Variants in INSC observed in about 807,000 individuals in gnomAD.
The protein encoded by INSC is protein inscuteable homolog.
INSC carries 67 observed loss-of-function variants against 58.6 expected under a neutral mutation model. The ratio of observed to expected loss-of-function variants is 1.14; its 90% CI spans 0.94 to 1.40. INSC has a LOEUF of 1.40. Ranked by LOEUF, INSC falls within the 40% of genes most tolerant of loss-of-function variation. The pLI is 0.00. For synonymous variants in INSC, 262 were observed against 276.1 expected (o/e 0.95, Z 0.51); for missense variants, 714 against 692.0 (o/e 1.03, Z -0.36).
chr11:15,129,534 C>G (rs1848076622), intron 1 of INSC, among the ~76,000 whole-genome samples: 1 of 152,122 alleles, frequency 6.6e-6, no homozygotes, highest in African/African-American at 2.4e-5. Flanking sequence ...TATCTATTAA[C>G]TTATCTTGGC....
chr11:15,220,248 G>A (rs1018111510), intron 7 of INSC, among the ~76,000 whole-genome samples: 1 of 152,190 alleles, frequency 6.6e-6, no homozygotes. Flanking sequence ...TAGGGAATGA[G>A]CACGGGCTGC....
chr11:15,112,585 G>A (rs897686458), upstream of INSC: 8 of 1,283,274 alleles, frequency 6.2e-6, no homozygotes, highest in African/African-American at 5.1e-5. Context: ...TGGGAAGGTG[G>A]ATGTGAGTGT....
At chr11:15,158,621 G>A (rs1848899010) in intron 2 of INSC, among the ~76,000 whole-genome samples, 1 of 152,066 alleles carries the variant, frequency 6.6e-6, no homozygotes, top group East Asian at 1.9e-4. Context: ...TAGAAGCTGA[G>A]ACTCTGAACT....
intron 12 of INSC, among the ~76,000 whole-genome samples, chr11:15,241,997 T>G (rs1590017864): frequency 6.6e-6 from 1 of 152,360 alleles, no homozygotes; most frequent in Middle Eastern, 3.4e-3. Flanking sequence ...CATGGTTTGT[T>G]GCTGCATTCA....
At chr11:15,222,606 G>A (rs1455547554) in intron 8 of INSC, among the ~76,000 whole-genome samples, 1 of 152,064 alleles carries the variant, frequency 6.6e-6, no homozygotes, top group African/African-American at 2.4e-5. Flanking sequence ...TTCTTACCAT[G>A]TCACATTGTA....
chr11:15,224,407 G>A (rs1851553622), intron 8 of INSC, among the ~76,000 whole-genome samples: 1 of 152,210 alleles, frequency 6.6e-6, no homozygotes, highest in Non-Finnish European at 1.5e-5. Context: ...GCATTCACAG[G>A]TAGGTGCTAA....
At chr11:15,125,897 G>C (rs1380938712) in intron 1 of INSC, among the ~76,000 whole-genome samples, 1 of 152,150 alleles carries the variant, frequency 6.6e-6, no homozygotes, top group Non-Finnish European at 1.5e-5. Context: ...GTAAGCTTCT[G>C]GGTGGAAGCC....
intron 2 of INSC, among the ~76,000 whole-genome samples, chr11:15,150,679 T>G (rs981203313): frequency 6.6e-6 from 1 of 152,020 alleles, no homozygotes; most frequent in South Asian, 2.1e-4. Flanking sequence ...AGGCCAGGGG[T>G]TGGGATCCCT....
At chr11:15,167,448 A>G (rs1436415372) in intron 2 of INSC, among the ~76,000 whole-genome samples, 1 of 151,994 alleles carries the variant, frequency 6.6e-6, no homozygotes, top group African/African-American at 2.4e-5. Flanking sequence ...CAATCTCTAT[A>G]AATAACAGTT....
At chr11:15,196,440 G>T (rs1850372690) in intron 6 of INSC, among the ~76,000 whole-genome samples, 1 of 152,006 alleles carries the variant, frequency 6.6e-6, no homozygotes, top group African/African-American at 2.4e-5. Context: ...CCAGCTAGTT[G>T]GTTAAAATCT....
In INSC at chr11:15,173,459, A is replaced by G. The variant is rs570164821; in HGVS notation, c.57-2282A>G. ...ATAAGGGAATGGTAATAAGATGCAG[A>G]AGATTAGAAGTTGTCTGCAATCAAA... is the stretch of plus-strand genomic sequence containing the variant. On this transcript the variant is annotated intron_variant, in intron 2 of 12. Transcript: ENST00000379556. Among the ~76,000 whole-genome samples, 6 of 152,302 alleles carry G rather than the reference A, an allele frequency of 3.9e-5. No individual in the cohort carries two copies. The South Asian group carries it at 1.2e-3, about 32-fold the overall frequency.
chr11:15,230,719 C>T (rs1477220084), intron 9 of INSC, among the ~76,000 whole-genome samples: 2 of 152,218 alleles, frequency 1.3e-5, no homozygotes, highest in Non-Finnish European at 2.9e-5. Context: ...TTTATATGCT[C>T]TCTAATACGG....
Position 15,175,981 on chromosome 11 carries a change from C to T in INSC, c.297C>T (p.Arg99=). Residue 99 remains arginine (R), a synonymous_variant, in exon 3 of 13, where the codon CGC becomes CGT. Transcript: ENST00000379556. The part of the protein sequence containing the change: ...RRIGQKLAQD[R]WARVHSMSVR... ...TCGGGCAGAAGCTGGCCCAGGACCG[C>T]TGGGCACGGGTGCACAGCATGAGCG... 1.2e-6 allele frequency: 2 copies of T among 1,612,454 alleles called. No individual in the cohort carries two copies. Among genetic ancestry groups the T allele is most frequent in the African/African-American group, 1.3e-5 (1 of 75,034 alleles).
chr11:15,231,633 A>C (rs1851929429), intron 9 of INSC, among the ~76,000 whole-genome samples: 1 of 152,254 alleles, frequency 6.6e-6, no homozygotes, highest in Non-Finnish European at 1.5e-5. Flanking sequence ...TTCATCTGGC[A>C]ATTAAAGAAT....
the INSC span, among the ~76,000 whole-genome samples, chr11:15,255,775 A>C: frequency 2.9e-5 from 4 of 137,786 alleles, no homozygotes; most frequent in African/African-American, 1.1e-4. Flanking sequence ...TTAGTCTCGG[A>C]CTTGAGGTCC....
chr11:15,215,845 G>C (rs1851197162), intron 7 of INSC, among the ~76,000 whole-genome samples: 1 of 152,164 alleles, frequency 6.6e-6, no homozygotes. Context: ...GGAGGTGCAT[G>C]CATGTTCACA....
chr11:15,185,241 G>A (rs923944271), intron 5 of INSC, among the ~76,000 whole-genome samples: 1 of 152,124 alleles, frequency 6.6e-6, no homozygotes, highest in Non-Finnish European at 1.5e-5. Flanking sequence ...GACTCAAGGG[G>A]TTAAGCAATG....
chr11:15,139,385 G>A (rs75083715), intron 1 of INSC, among the ~76,000 whole-genome samples: 18 of 152,318 alleles, frequency 1.2e-4, no homozygotes, highest in African/African-American at 3.8e-4. Context: ...TTTGCAAATC[G>A]AAGCTAAGGA....
At chr11:15,201,582 C>A (rs1013083351) in intron 7 of INSC, among the ~76,000 whole-genome samples, 1 of 152,198 alleles carries the variant, frequency 6.6e-6, no homozygotes, top group Non-Finnish European at 1.5e-5. Flanking sequence ...TGACCCCTTC[C>A]CTGGTTGTGC....
Sources: allele counts gnomAD v4.1 joint callset (sites outside exome capture counted in the v4.1 genomes callset), GRCh38; gene constraint gnomAD v4.1.1; transcripts MANE v1.5; gene names NCBI Gene and HGNC (gene_info 2026-07-23, HGNC 2026-07-21).